The following UTP25 variants were observed in gnomAD, a reference collection of about 807,000 sequenced individuals.
UTP25 encodes U3 small nucleolar RNA-associated protein 25 homolog.
A neutral mutation model predicts 78.9 loss-of-function variants in UTP25; 50 were observed. The ratio of observed to expected loss-of-function variants is 0.63; its 90% confidence interval spans 0.50 to 0.80. The LOEUF is 0.80. UTP25 is among the 30% of genes least tolerant of loss of function. The pLI is 0.00. For missense variants in UTP25, 846 were observed against 911.3 expected (o/e 0.93, Z 0.92); for synonymous variants, 329 against 336.5 (o/e 0.98, Z 0.24).
At chr1:209,837,270 G>C in intron 6 of UTP25, 59 bp downstream of exon 6, 1 of 1,537,060 alleles carries the variant, frequency 6.5e-7, no homozygotes, top group Non-Finnish European at 8.8e-7. Flanking sequence ...CTGCCATAGA[G>C]GTGCCTGACA....
chr1:209,843,328 A>C, intron 10 of UTP25, 123 bp from the exon 11 acceptor site: 3 of 1,173,484 alleles, frequency 2.6e-6, no homozygotes, highest in Non-Finnish European at 3.5e-6. Flanking sequence ...GAGGTAAATC[A>C]TATTGGCCTC....
intron 11 of UTP25, among the ~76,000 whole-genome samples, chr1:209,849,730 G>T (rs2078220461): frequency 6.6e-6 from 1 of 152,328 alleles, no homozygotes; most frequent in African/African-American, 2.4e-5. Flanking sequence ...GATCCCTGGG[G>T]TCCTGAAGTC....
rs894624389 is a variant in UTP25, at chr1:209,857,211, C to G, written c.*5764C>G. The G allele has an allele frequency of 5.9e-5, 9 of 152,040 alleles. No homozygotes were observed. Among genetic ancestry groups the G allele is most frequent in the Non-Finnish European group, 1.2e-4 (8 of 68,004 alleles). 9.4% of individuals were successfully genotyped at this position (152,040 alleles called of 1,614,324 possible). ...CACTGTGAAACTTTTATCCATCAGT[C>G]CTGTTTCTGAAGCTGTACGGTACAA... On this transcript the variant is annotated 3_prime_UTR_variant, in exon 12 of 12. Coordinates refer to ENST00000491415, the MANE Select transcript of UTP25 (RefSeq NM_014388.7).
rs575126483 is a variant in UTP25, at chr1:209,833,355, C to G, written c.559C>G (p.Gln187Glu). ...AGACAACTCTTCTTTGAAAGCCTCT[C>G]AAGGTCATAGCACAGTGTGTGTTAT... ...SGDNSSLKAS[Q>E]DPFLQHVNKE... The change falls in exon 4 of 12, where the codon CAA becomes GAA. Residue 187 changes from glutamine to glutamate, a missense_variant. By Grantham distance (29) the Gln-to-Glu change is conservative. Coordinates refer to ENST00000491415, the MANE Select transcript of UTP25 (RefSeq NM_014388.7). 25 of 1,567,574 alleles carry G rather than the reference C, an allele frequency of 1.6e-5. No individual in the cohort carries two copies. The African/African-American group carries it at 3.0e-4, about 19-fold the overall frequency.
intron 4 of UTP25, among the ~76,000 whole-genome samples, chr1:209,833,646 G>C (rs1404766680): frequency 1.3e-5 from 2 of 152,150 alleles, no homozygotes; most frequent in Non-Finnish European, 2.9e-5. Flanking sequence ...TTCTCCCCAA[G>C]TAGGGAAAGA....
At chr1:209,832,618 C>T (rs954203679) in intron 3 of UTP25, among the ~76,000 whole-genome samples, 1 of 152,212 alleles carries the variant, frequency 6.6e-6, no homozygotes, top group African/African-American at 2.4e-5. Flanking sequence ...AGATCTGGCT[C>T]ACGCCTGTAA....
chr1:209,845,048 C>T (rs2078189477), intron 11 of UTP25, among the ~76,000 whole-genome samples: 1 of 152,208 alleles, frequency 6.6e-6, no homozygotes, highest in Non-Finnish European at 1.5e-5. Flanking sequence ...TTTGGCATTG[C>T]ATTACCTTTT....
rs1330889270 is a variant in UTP25 at position 209,833,233 on chromosome 1, C to T, written c.437C>T (p.Pro146Leu). The T allele has an allele frequency of 6.2e-7, 1 of 1,613,974 alleles. No individual in the cohort carries two copies. Among genetic ancestry groups the T allele is most frequent in the East Asian group, 2.2e-5 (1 of 44,852 alleles). ...DPEGKEDGEE[P>L]PGTSQTSPEE... ...GAGGGAAAAGAAGATGGGGAAGAGC[C>T]ACCGGGCACATCACAAACATCCCCC... Residue 146 changes from proline (P) to leucine (L), a missense_variant, in exon 4 of 12, where the codon CCA becomes CTA. By Grantham distance (98) the Pro-to-Leu change is moderately conservative. Coordinates refer to ENST00000491415, the MANE Select transcript of UTP25 (RefSeq NM_014388.7).
In UTP25 at chr1:209,843,453, T is replaced by C. The variant is rs2078178698; in HGVS notation, c.1784T>C (p.Phe595Ser). Residue 595 changes from phenylalanine (F) to serine (S), a missense_variant and splice_region_variant, in exon 11 of 12, where the codon TTT becomes TCT. Transcript: ENST00000491415. ...ENLASVIDARFNFFVNKILPQ... is the reference protein window; with the variant it reads ...ENLASVIDARSNFFVNKILPQ... Reference sequence around the variant, plus strand: ...TGCCCTTTGCCATTCCAAATCAGGTTTAACTTTTTTGTGAACAAGATTTTG... The same window carrying C: ...TGCCCTTTGCCATTCCAAATCAGGTCTAACTTTTTTGTGAACAAGATTTTG... 1 of 1,613,710 alleles carries C rather than the reference T, an allele frequency of 6.2e-7. No homozygotes were observed. The highest frequency in any genetic ancestry group is 8.5e-7 in the Non-Finnish European group (1 of 1,179,818).
chr1:209,832,689 C>G (rs189064420), intron 3 of UTP25, among the ~76,000 whole-genome samples: 3 of 152,270 alleles, frequency 2.0e-5, no homozygotes, highest in African/African-American at 7.2e-5. Context: ...TTGAGACCAG[C>G]CTGGCCAACA....
Position 209,831,030 on chromosome 1 carries a change from T to C in UTP25, c.375T>C (p.Thr125=), listed in dbSNP as rs73093819. Residue 125 remains threonine (T), a synonymous_variant, in exon 3 of 12, where the codon ACT becomes ACC. Transcript: ENST00000491415. ...AAGAAGAGATGGCTGCAGAGTCTAC[T>C]GAAAGTCCAGAGAGTAAGTGTCTTT... The part of the protein sequence containing the change: ...SVEEEMAAES[T]ESPENVALSA... 5.0e-6 allele frequency: 8 copies of C among 1,614,124 alleles called. No individual in the cohort carries two copies. The African/African-American group carries it at 1.1e-4, about 22-fold the overall frequency.
chr1:209,842,266 A>G lies in UTP25; in HGVS notation c.1487A>G (p.His496Arg). 2 of 1,613,424 alleles carry G rather than the reference A, an allele frequency of 1.2e-6. No homozygotes were observed. The highest frequency in any genetic ancestry group is 1.7e-6 in the Non-Finnish European group (2 of 1,179,866). Residue 496 changes from histidine (H) to arginine (R), a missense_variant and splice_region_variant, in exon 9 of 12, where the codon CAT becomes CGT. His to Arg is a conservative substitution (Grantham distance 29). Transcript: ENST00000491415. ...TGGTAATATTATTTCCACTCAAAGC[A>G]TTTGATGAATCACATGAACCTACTA... The part of the protein sequence containing the change: ...YLMQNWEHVL[H>R]LMNHMNLLPL...
chr1:209,839,546 G>A (rs768789551), intron 7 of UTP25, among the ~76,000 whole-genome samples: 1 of 152,136 alleles, frequency 6.6e-6, no homozygotes, highest in Non-Finnish European at 1.5e-5. Flanking sequence ...TCTCCTGTGT[G>A]CTACATAGAT....
In UTP25 at chr1:209,852,207, C is replaced by T. The variant is rs1473034084; in HGVS notation, c.*760C>T. 2 of 152,150 alleles carry T rather than the reference C, an allele frequency of 1.3e-5. No homozygotes were observed. Among genetic ancestry groups the T allele is most frequent in the African/African-American group, 2.4e-5 (1 of 41,442 alleles). The allele number at this position is 152,150 out of a possible 1,614,324, so 9.4% of individuals were successfully genotyped here. ...ACAGATGCAAATAAAAAGGAAATTA[C>T]ACTTTTAAAAACATTTTTATTTTGA... On this transcript the variant is annotated 3_prime_UTR_variant, in exon 12 of 12. Coordinates refer to ENST00000491415, the MANE Select transcript of UTP25 (RefSeq NM_014388.7).
intron 11 of UTP25, chr1:209,844,320 G>A (rs2078183377): frequency 6.6e-6 from 1 of 152,144 alleles, no homozygotes; most frequent in Non-Finnish European, 1.5e-5. Flanking sequence ...TAAGTTGATT[G>A]GTCTTCATGT....
In UTP25 at chr1:209,837,020, G is replaced by C. The variant is rs1331762965; in HGVS notation, c.871G>C (p.Asp291His). The change falls in exon 6 of 12, where the codon GAC (aspartate) becomes CAC (histidine). Residue 291 changes from aspartate to histidine, a missense_variant. Transcript: ENST00000491415. ...CTTCTTAATTATGAATTCTTACCGG[G>C]ACCTGTTCTACCCGGAAAGGACTGC... ...ELFLIMNSYR[D>H]LFYPERTALK... 1 of 1,613,960 alleles carries C rather than the reference G, an allele frequency of 6.2e-7. No homozygotes were observed.
chr1:209,844,764 T>C (rs575723385), intron 11 of UTP25: 1 of 152,334 alleles, frequency 6.6e-6, no homozygotes, highest in South Asian at 2.1e-4. Context: ...GCTAAGTCTC[T>C]CTCTGTTGAT....
Position 209,842,654 on chromosome 1 carries a change from G to A in UTP25, c.1740G>A (p.Gln580=). 8.1e-6 allele frequency: 13 copies of A among 1,613,598 alleles called. No individual in the cohort carries two copies. The highest frequency in any genetic ancestry group is 1.1e-5 in the Non-Finnish European group (13 of 1,179,886). Reference sequence around the variant, plus strand: ...TGGTGCAGCTCCCACATGTCTTCCAGAGGATGGAAGCTGAAAACCTAGCTT... The same window carrying A: ...TGGTGCAGCTCCCACATGTCTTCCAAAGGATGGAAGCTGAAAACCTAGCTT... ...HVLVQLPHVF[Q]RMEAENLASV... The change falls in exon 10 of 12, where the codon CAG becomes CAA. Residue 580 remains glutamine, a synonymous_variant. Transcript: ENST00000491415.
chr1:209,853,601 GC>G lies in UTP25; in HGVS notation c.*2157del, dbSNP rs2078253995. On this transcript the variant is annotated 3_prime_UTR_variant, in exon 12 of 12. Transcript: ENST00000491415. ...TCAAACTCTTGACCTCAAGTGATCT[GC>G]CCACCTCAGCCTCCCAAAGTGCTGG... 3 of 152,170 alleles carry G rather than the reference GC, an allele frequency of 2.0e-5. No individual in the cohort carries two copies. The highest frequency in any genetic ancestry group is 4.4e-5 in the Non-Finnish European group (3 of 68,074). 9.4% of individuals were successfully genotyped at this position (152,170 alleles called of 1,614,324 possible).
Sources: gnomAD v4.1 joint callset for allele counts (sites outside exome capture counted in the v4.1 genomes callset) on GRCh38, gnomAD v4.1.1 for gene constraint, MANE v1.5 for transcripts, NCBI Gene and HGNC (gene_info 2026-07-23, HGNC 2026-07-21) for gene names.